ZNF573: variants seen among roughly 807,000 people sequenced by gnomAD.
The protein encoded by ZNF573 is zinc finger protein 573.
A neutral mutation model predicts 57.4 loss-of-function variants in ZNF573; 41 were observed. The ratio of observed to expected loss-of-function variants is 0.71; its 90% CI spans 0.56 to 0.93. The LOEUF (loss-of-function observed/expected upper bound fraction) is 0.93, where lower values mean the gene tolerates loss of function less well. ZNF573 is among the 40% of genes least tolerant of loss of function. The pLI, the probability that ZNF573 is intolerant of heterozygous loss-of-function variation, is 0.00. For missense variants in ZNF573, 730 were observed against 794.8 expected (o/e 0.92, Z 0.98); for synonymous variants, 249 against 261.0 (o/e 0.95, Z 0.44).
intron 4 of ZNF573, among the ~76,000 whole-genome samples, chr19:37,766,040 CAA>C (rs928796852): frequency 7.1e-6 from 1 of 141,306 alleles, no homozygotes; most frequent in African/African-American, 2.6e-5. Flanking sequence ...AACTCCATCT[CAA>C]AAAAAAAAGA....
intron 4 of ZNF573, among the ~76,000 whole-genome samples, chr19:37,745,693 G>A (rs1404859817): frequency 8.5e-5 from 13 of 152,158 alleles, no homozygotes; most frequent in Admixed American, 8.5e-4. Flanking sequence ...ACCACACTTG[G>A]CAAGATTGTA....
chr19:37,757,322 G>A lies in ZNF573; in HGVS notation c.295+12683C>T, dbSNP rs192549825. On this transcript the variant is annotated intron_variant, in intron 4 of 4. Transcript: ENST00000536220. ...AGCAATTCTCCTGCCTCAGCTTCCC[G>A]AGTAGCTGAGACTACAGGCGCCCGC... Among the ~76,000 whole-genome samples the A allele has an allele frequency of 6.7e-4, 102 of 151,976 alleles. 1 individual carries two copies. In the Middle Eastern group the frequency reaches 0.027, roughly 41 times the overall value.
At position 37,739,263 on chromosome 19, in the gene ZNF573, A is replaced by C; in HGVS notation, c.1227T>G (p.Thr409=). 6.2e-7 allele frequency: 1 copy of C among 1,614,132 alleles called. No homozygotes were observed. The highest frequency in any genetic ancestry group is 1.3e-5 in the African/African-American group (1 of 75,064). ...CCTTGCATTCATAGGGTTTCTCGCCAGTATGAGTTTTCTGATGTTGAAAGA... is the reference window on the plus strand; with the variant it reads ...CCTTGCATTCATAGGGTTTCTCGCCCGTATGAGTTTTCTGATGTTGAAAGA... ...SKLFQHQKTH[T]GEKPYECKEC... is the part of the protein sequence containing the mutation. Residue 409 remains threonine (T), a synonymous_variant, in exon 5 of 5, where the codon ACT becomes ACG. Transcript: ENST00000536220.
chr19:37,762,136 T>C lies in ZNF573; in HGVS notation c.295+7869A>G, dbSNP rs145339245. On this transcript the variant is annotated intron_variant, in intron 4 of 4. Transcript: ENST00000536220. ...CACCTGGGGGCAATTTTTCAAAATATGTTGGGCTTGAATTTAATCATAAGG... is the reference window on the plus strand; with the variant it reads ...CACCTGGGGGCAATTTTTCAAAATACGTTGGGCTTGAATTTAATCATAAGG... 4.7e-3 allele frequency among the ~76,000 whole-genome samples: 716 copies of C among 152,302 alleles called. 7 individuals carry two copies. Among genetic ancestry groups the C allele is most frequent in the African/African-American group, 0.017 (688 of 41,562 alleles).
intron 1 of ZNF573, chr19:37,778,663 A>G (rs2045734770): frequency 6.6e-6 from 1 of 152,104 alleles, no homozygotes; most frequent in Non-Finnish European, 1.5e-5. Flanking sequence ...CTAAACATTG[A>G]GTTTTAGATG....
At chr19:37,763,561 C>G (rs548241774) in intron 4 of ZNF573, among the ~76,000 whole-genome samples, 4 of 147,840 alleles carry the variant, frequency 2.7e-5, no homozygotes, top group African/African-American at 1.0e-4. Context: ...GAGACTGTCT[C>G]AAAAAAAACA....
intron 4 of ZNF573, among the ~76,000 whole-genome samples, chr19:37,761,207 A>G (rs1440987057): frequency 6.6e-6 from 1 of 152,044 alleles, no homozygotes; most frequent in Non-Finnish European, 1.5e-5. Flanking sequence ...AAAAGGAAAA[A>G]AAAAGAACTG....
chr19:37,744,721 A>G (rs977489130), intron 4 of ZNF573, among the ~76,000 whole-genome samples: 3 of 148,986 alleles, frequency 2.0e-5, no homozygotes, highest in Non-Finnish European at 4.5e-5. Context: ...AGCCCAGGCA[A>G]CAGAGCAAGA....
Position 37,770,107 on chromosome 19 carries a change from A to C in ZNF573, c.203-10T>G, listed in dbSNP as rs1247226139. On this transcript the variant is annotated splice_polypyrimidine_tract_variant and intron_variant, in intron 3 of 4. Transcript: ENST00000536220. ...GAAATGGAATGTCCTCCTTATAAGA[A>C]AAGAAATGCCACATGGTATAAAAAT... 6.5e-7 allele frequency: 1 copy of C among 1,533,008 alleles called. No homozygotes were observed. Among genetic ancestry groups the C allele is most frequent in the East Asian group, 2.5e-5 (1 of 40,726 alleles). The allele number at this position is 1,533,008 out of a possible 1,614,324, so 95.0% of individuals were successfully genotyped here.
chr19:37,739,292 T>C lies in ZNF573; in HGVS notation c.1198A>G (p.Lys400Glu). The C allele has an allele frequency of 6.2e-7, 1 of 1,613,950 alleles. No individual in the cohort carries two copies. ...TGAGTTTTCTGATGTTGAAAGAGTT[T>C]TGAACCAGTAGTATAGGTCTTCCCA... ...QCGKTYTTGS[K>E]LFQHQKTHTG... The change falls in exon 5 of 5, where the codon AAA becomes GAA. Residue 400 changes from lysine (K) to glutamate (E), a missense_variant. Physicochemically the swap from Lys to Glu is moderately conservative, Grantham distance 56 (BLOSUM62 1). Transcript: ENST00000536220.
intron 4 of ZNF573, among the ~76,000 whole-genome samples, chr19:37,744,844 C>A (rs879513135): frequency 6.7e-6 from 1 of 148,836 alleles, no homozygotes; most frequent in African/African-American, 2.5e-5. Flanking sequence ...TGCAGTGGTG[C>A]GATCTCGGCT....
At chr19:37,760,676 G>A (rs897746230) in intron 4 of ZNF573, among the ~76,000 whole-genome samples, 2 of 151,828 alleles carry the variant, frequency 1.3e-5, no homozygotes, top group African/African-American at 4.8e-5. Context: ...ACAAAAATTA[G>A]CCAGGCATGG....
rs745521977 is a variant in ZNF573 at position 37,739,155 on chromosome 19, C to T, written c.1335G>A (p.Lys445=). The T allele has an allele frequency of 4.3e-6, 7 of 1,613,142 alleles. No individual in the cohort carries two copies. The highest frequency in any genetic ancestry group is 3.3e-4 in the Middle Eastern group (2 of 6,076). ...IHTGMKHFEC[K]ECKKTFTLYR... Reference sequence around the variant, plus strand: ...ACAAAGTAAAGGTTTTTTTACACTCCTTACATTCAAAGTGTTTCATGCCAG... The same window carrying T: ...ACAAAGTAAAGGTTTTTTTACACTCTTTACATTCAAAGTGTTTCATGCCAG... The change falls in exon 5 of 5, where the codon AAG becomes AAA. Residue 445 remains lysine, a synonymous_variant. Transcript: ENST00000536220.
At chr19:37,779,336 GCACT>G (rs2045741619) in intron 1 of ZNF573, among the ~76,000 whole-genome samples, 1 of 151,988 alleles carries the variant, frequency 6.6e-6, no homozygotes, top group African/African-American at 2.4e-5. Flanking sequence ...TCTCACGTGC[GCACT>G]CAAATACCCT....
chr19:37,747,487 T>TAA (rs1232885989), intron 4 of ZNF573, among the ~76,000 whole-genome samples: 1 of 152,172 alleles, frequency 6.6e-6, no homozygotes, highest in Non-Finnish European at 1.5e-5. Flanking sequence ...CTATGGAATG[T>TAA]AAAGCTTAAT....
rs532598502 is a variant in ZNF573 at position 37,767,404 on chromosome 19, AT to A, written c.295+2600del. On this transcript the variant is annotated intron_variant, in intron 4 of 4. Transcript: ENST00000536220. ...CCACCACGCCCACCTAATTTTTTGTATTTTTTTTTTAGTAGAGACGGGGTTT... is the reference window on the plus strand; with the variant it reads ...CCACCACGCCCACCTAATTTTTTGTATTTTTTTTTAGTAGAGACGGGGTTT... Among the ~76,000 whole-genome samples the A allele has an allele frequency of 1.8e-3, 267 of 147,692 alleles. 1 individual carries two copies. Among genetic ancestry groups the A allele is most frequent in the Admixed American group, 3.0e-3 (44 of 14,806 alleles).
chr19:37,759,802 G>A lies in ZNF573; in HGVS notation c.295+10203C>T, dbSNP rs901532104. Reference sequence around the variant, plus strand: ...GTTTAAGTTAGAGTGTAGAACTTACGTTGTTGGTTTCTTTACCCTAATTTA... The same window carrying A: ...GTTTAAGTTAGAGTGTAGAACTTACATTGTTGGTTTCTTTACCCTAATTTA... On this transcript the variant is annotated intron_variant, in intron 4 of 4. Coordinates refer to ENST00000536220, the MANE Select transcript of ZNF573 (RefSeq NM_001172690.2). 3.3e-5 allele frequency among the ~76,000 whole-genome samples: 5 copies of A among 152,004 alleles called. No individual in the cohort carries two copies. The South Asian group carries it at 8.3e-4, about 25-fold the overall frequency.
In ZNF573 at chr19:37,753,764, G is replaced by A. The variant is rs895752473; in HGVS notation, c.296-13570C>T. On this transcript the variant is annotated intron_variant, in intron 4 of 4. Coordinates refer to ENST00000536220, the MANE Select transcript of ZNF573 (RefSeq NM_001172690.2). ...AATTTTTATAGTTGCCAGGCAAAAA[G>A]ATCAAGTCACTTTGAAGGGAGGAAA... Among the ~76,000 whole-genome samples the A allele has an allele frequency of 7.9e-5, 12 of 152,246 alleles. No homozygotes were observed. In the South Asian group the frequency reaches 8.3e-4, roughly 11 times the overall value.
intron 4 of ZNF573, among the ~76,000 whole-genome samples, chr19:37,761,233 A>G (rs1160629720): frequency 6.6e-6 from 1 of 152,124 alleles, no homozygotes; most frequent in Non-Finnish European, 1.5e-5. Context: ...AGCAAAATCT[A>G]CTGTTGGAAG....
Sources: gnomAD v4.1 joint callset for allele counts (sites outside exome capture counted in the v4.1 genomes callset) on GRCh38, gnomAD v4.1.1 for gene constraint, MANE v1.5 for transcripts, NCBI Gene and HGNC (gene_info 2026-07-23, HGNC 2026-07-21) for gene names.